PIP5K1A: variants seen among roughly 807,000 people sequenced by gnomAD.
The protein encoded by PIP5K1A is phosphatidylinositol-4-phosphate 5-kinase type 1 alpha.
Under a neutral mutation model 72.9 loss-of-function variants are expected in PIP5K1A, and 46 were observed. The observed-to-expected ratio is 0.63, with a 90% confidence interval of 0.50 to 0.81. PIP5K1A has a LOEUF of 0.81. PIP5K1A is among the 30% of genes least tolerant of loss of function. The probability of loss-of-function intolerance (pLI) is 0.00; values close to 1 mark genes in which losing one functional copy is unlikely to be tolerated. For synonymous variants in PIP5K1A, 228 were observed against 255.1 expected (o/e 0.89, Z 1.01); for missense variants, 458 against 706.1 (o/e 0.65, Z 3.98).
upstream of PIP5K1A, among the ~76,000 whole-genome samples, chr1:151,196,860 CTT>C (rs34245382): frequency 2.8e-3 from 268 of 95,226 alleles, 4 homozygotes; most frequent in East Asian, 0.023. Flanking sequence ...TGCGCCCGGC[CTT>C]TTTTTTTTTT....
intron 1 of PIP5K1A, among the ~76,000 whole-genome samples, chr1:151,217,973 A>G (rs968038018): frequency 6.6e-6 from 1 of 151,924 alleles, no homozygotes; most frequent in Admixed American, 6.6e-5. Context: ...ATGAGGTTTC[A>G]CCATGTTGGC....
intron 3 of PIP5K1A, among the ~76,000 whole-genome samples, chr1:151,226,092 T>A (rs1326891237): frequency 6.9e-6 from 1 of 144,386 alleles, no homozygotes; most frequent in Admixed American, 7.0e-5. Context: ...TTTCTTTTCT[T>A]TTTTTTTTTT....
In PIP5K1A at chr1:151,216,604, A is replaced by G. The variant is rs144590034; in HGVS notation, c.86-7641A>G. Among the ~76,000 whole-genome samples the G allele has an allele frequency of 1.9e-4, 29 of 152,200 alleles. No homozygotes were observed. In the East Asian group the frequency reaches 4.1e-3, roughly 21 times the overall value. On this transcript the variant is annotated intron_variant, in intron 1 of 15. Transcript: ENST00000368888. ...ATGTTCATTTCCTTTTGTTTCAGTA[A>G]ACCAGTCTCAACTCTTTTCCTTTTC...
rs972225835 is a variant in PIP5K1A at position 151,236,686 on chromosome 1, A to G, written c.1068A>G (p.Gln356=). 6 of 1,614,000 alleles carry G rather than the reference A, an allele frequency of 3.7e-6. 1 individual carries two copies. In the South Asian group the frequency reaches 5.5e-5, roughly 15 times the overall value. ...TTGATACTCGAAGACCGGCCCCCCA[A>G]AAGGCTCTGTATTCCACAGCCATGG... is the stretch of plus-strand genomic sequence containing the variant. ...YSVDTRRPAP[Q]KALYSTAMES... is the part of the protein sequence containing the mutation. Residue 356 remains glutamine (Q), a synonymous_variant, in exon 9 of 16, where the codon CAA becomes CAG. Coordinates refer to ENST00000368888, the MANE Select transcript of PIP5K1A (RefSeq NM_001135638.2).
At chr1:151,227,495 C>G in intron 4 of PIP5K1A, 95 bp downstream of exon 4, 1 of 718,914 alleles carries the variant, frequency 1.4e-6, no homozygotes, top group South Asian at 1.7e-5. Flanking sequence ...ATGTACTGTC[C>G]TGTTTCTTGA....
At chr1:151,228,360 G>T (rs1224211088) in intron 4 of PIP5K1A, among the ~76,000 whole-genome samples, 1 of 152,084 alleles carries the variant, frequency 6.6e-6, no homozygotes, top group African/African-American at 2.4e-5. Flanking sequence ...GTGTCGCACA[G>T]GCTGGTCTCA....
chr1:151,246,968 G>C lies in PIP5K1A; in HGVS notation c.1686+3G>C, dbSNP rs763738281. ...TTGCAGAGTCAGAGTTCACCCATGTGAGTATCTGGGATGTGTGGGAGGTGA... is the reference window on the plus strand; with the variant it reads ...TTGCAGAGTCAGAGTTCACCCATGTCAGTATCTGGGATGTGTGGGAGGTGA... On this transcript the variant is annotated splice_donor_region_variant and intron_variant, in intron 15 of 15. Transcript: ENST00000368888. 1.1e-5 allele frequency: 18 copies of C among 1,611,812 alleles called. No individual in the cohort carries two copies. Among genetic ancestry groups the C allele is most frequent in the Non-Finnish European group, 1.5e-5 (18 of 1,178,006 alleles).
chr1:151,242,108 C>CTT lies in PIP5K1A; in HGVS notation c.1364-13_1364-12dup, dbSNP rs1691823194. The stretch of plus-strand genomic sequence containing the variant: ...AAGGTAGTTGCTAAGTAGGCTCTCT[C>CTT]TTTCCCTTTTGAAGTGAAGCCTTCT... On this transcript the variant is annotated splice_polypyrimidine_tract_variant and intron_variant, in intron 12 of 15. Coordinates refer to ENST00000368888, the MANE Select transcript of PIP5K1A (RefSeq NM_001135638.2). 6.2e-7 allele frequency: 1 copy of CTT among 1,613,898 alleles called. No homozygotes were observed. The highest frequency in any genetic ancestry group is 8.5e-7 in the Non-Finnish European group (1 of 1,179,910).
intron 14 of PIP5K1A, among the ~76,000 whole-genome samples, chr1:151,245,922 T>A (rs1304204693): frequency 6.6e-6 from 1 of 152,168 alleles, no homozygotes; most frequent in South Asian, 2.1e-4. Flanking sequence ...TGTAACAAAT[T>A]ACCCCCAAAC....
intron 1 of PIP5K1A, among the ~76,000 whole-genome samples, chr1:151,201,199 C>T (rs963930849): frequency 6.6e-6 from 1 of 152,126 alleles, no homozygotes; most frequent in Non-Finnish European, 1.5e-5. Flanking sequence ...ATCCCCAACC[C>T]AGAAAGAAGA....
At position 151,239,226 on chromosome 1, in the gene PIP5K1A, TCA is replaced by T. The variant is rs749306948; in HGVS notation, c.1278+50_1278+51del. The T allele has an allele frequency of 9.1e-6, 11 of 1,203,794 alleles. No individual in the cohort carries two copies. The African/African-American group carries it at 1.7e-4, about 19-fold the overall frequency. The allele number at this position is 1,203,794 out of a possible 1,614,324, so 74.6% of individuals were successfully genotyped here. On this transcript the variant is annotated intron_variant, in intron 11 of 15. Coordinates refer to ENST00000368888, the MANE Select transcript of PIP5K1A (RefSeq NM_001135638.2). ...CTCTTACCGTACACTTCTGCCTCCATCACTTCTGATTGGCCTCAGTTTCTTGC... is the reference window on the plus strand; with the variant it reads ...CTCTTACCGTACACTTCTGCCTCCATCTTCTGATTGGCCTCAGTTTCTTGC...
chr1:151,243,764 C>T (rs982846938), intron 14 of PIP5K1A, among the ~76,000 whole-genome samples: 1 of 152,010 alleles, frequency 6.6e-6, no homozygotes, highest in African/African-American at 2.4e-5. Flanking sequence ...CTTTTTGATC[C>T]AAGATGGCAG....
At chr1:151,211,035 C>T (rs1284132934) in intron 1 of PIP5K1A, among the ~76,000 whole-genome samples, 2 of 152,160 alleles carry the variant, frequency 1.3e-5, no homozygotes, top group Non-Finnish European at 1.5e-5. Flanking sequence ...ATGTTTATTT[C>T]AAACATTAGA....
chr1:151,220,354 C>G (rs1374743915), intron 1 of PIP5K1A, among the ~76,000 whole-genome samples: 8 of 152,012 alleles, frequency 5.3e-5, no homozygotes, highest in Non-Finnish European at 1.0e-4. Context: ...TTTTGATTAT[C>G]CAGACTTGCT....
At chr1:151,229,940 T>TA (rs1689790170) in intron 4 of PIP5K1A, among the ~76,000 whole-genome samples, 1 of 151,370 alleles carries the variant, frequency 6.6e-6, no homozygotes, top group African/African-American at 2.4e-5. Flanking sequence ...TACAAAAAAT[T>TA]AGTCGGGTGT....
intron 1 of PIP5K1A, among the ~76,000 whole-genome samples, chr1:151,216,786 CTCA>C (rs1271608405): frequency 2.0e-5 from 3 of 151,882 alleles, no homozygotes; most frequent in African/African-American, 7.2e-5. Flanking sequence ...TTGTTGAATT[CTCA>C]TAACAACCTT....
chr1:151,232,686 C>T lies in PIP5K1A; in HGVS notation c.622C>T (p.Leu208Phe). ...HKEAEFLQKL[L>F]PGYYMNLNQN... is the part of the protein sequence containing the mutation. ...AGAGGCGGAATTTCTGCAGAAGCTGCTTCCAGGATACTACATGGTAAGGGA... is the reference window on the plus strand; with the variant it reads ...AGAGGCGGAATTTCTGCAGAAGCTGTTTCCAGGATACTACATGGTAAGGGA... Residue 208 changes from leucine to phenylalanine, a missense_variant, in exon 7 of 16, where the codon CTT becomes TTT. Leu to Phe is a conservative substitution (Grantham distance 22). Transcript: ENST00000368888. 6.2e-7 allele frequency: 1 copy of T among 1,613,934 alleles called. No individual in the cohort carries two copies. The highest frequency in any genetic ancestry group is 8.5e-7 in the Non-Finnish European group (1 of 1,179,904).
intron 8 of PIP5K1A, among the ~76,000 whole-genome samples, chr1:151,235,552 C>T (rs1326636348): frequency 1.3e-5 from 2 of 152,218 alleles, no homozygotes; most frequent in African/African-American, 2.4e-5. Flanking sequence ...TAAGGAGGCA[C>T]AGTGCCTACA....
At chr1:151,240,524 C>G (rs138071266) in intron 12 of PIP5K1A, among the ~76,000 whole-genome samples, 2 of 152,178 alleles carry the variant, frequency 1.3e-5, no homozygotes, top group African/African-American at 4.8e-5. Flanking sequence ...GCAAATCTTC[C>G]ATGCTGCTGC....
Sources: gnomAD v4.1 joint callset for allele counts (sites outside exome capture counted in the v4.1 genomes callset) on GRCh38, gnomAD v4.1.1 for gene constraint, MANE v1.5 for transcripts, NCBI Gene and HGNC (gene_info 2026-07-23, HGNC 2026-07-21) for gene names.